The following PTPRD variants were observed in gnomAD, a reference collection of about 807,000 sequenced individuals.
The protein encoded by PTPRD is receptor-type tyrosine-protein phosphatase delta.
PTPRD carries 34 observed loss-of-function variants against 214.5 expected under a neutral mutation model. The ratio of observed to expected loss-of-function variants is 0.16; its 90% confidence interval spans 0.12 to 0.21. The LOEUF is 0.21. PTPRD is among the 10% of genes least tolerant of loss of function. The pLI is 1.00. For missense variants in PTPRD, 2,545 were observed against 2,398.7 expected (o/e 1.06, Z -1.27); for synonymous variants, 1,128 against 845.7 (o/e 1.33, Z -5.79).
intron 5 of PTPRD, among the ~76,000 whole-genome samples, chr9:9,773,846 G>A (rs2098774114): frequency 6.6e-6 from 1 of 151,460 alleles, no homozygotes; most frequent in Non-Finnish European, 1.5e-5. Context: ...AGAAATCTTG[G>A]GGAAAAAAAA....
chr9:8,432,408 C>T (rs1316669444), intron 35 of PTPRD, among the ~76,000 whole-genome samples: 1 of 152,294 alleles, frequency 6.6e-6, no homozygotes, highest in Non-Finnish European at 1.5e-5. Flanking sequence ...CTCATAGGAT[C>T]TAATAATACT....
At chr9:9,589,831 A>C (rs2092527734) in intron 7 of PTPRD, among the ~76,000 whole-genome samples, 1 of 151,994 alleles carries the variant, frequency 6.6e-6, no homozygotes, top group African/African-American at 2.4e-5. Context: ...TGTCATTAGT[A>C]GATGTTTGGA....
At chr9:10,197,649 A>G (rs973655234) in intron 3 of PTPRD, among the ~76,000 whole-genome samples, 4 of 152,142 alleles carry the variant, frequency 2.6e-5, no homozygotes, top group Non-Finnish European at 5.9e-5. Context: ...GAGAGATACA[A>G]GAATCAAAGA....
chr9:9,933,341 T>TGG (rs2087602854), intron 5 of PTPRD, among the ~76,000 whole-genome samples: 1 of 151,964 alleles, frequency 6.6e-6, no homozygotes, highest in East Asian at 1.9e-4. Context: ...CCATCTCACA[T>TGG]GCAGAGACAC....
intron 9 of PTPRD, among the ~76,000 whole-genome samples, chr9:9,368,262 C>A (rs914992566): frequency 6.6e-6 from 1 of 151,704 alleles, no homozygotes; most frequent in African/African-American, 2.4e-5. Context: ...TCAACTTTAC[C>A]ATAGAAATTA....
chr9:10,367,291 G>C (rs1221736237), intron 2 of PTPRD, among the ~76,000 whole-genome samples: 1 of 152,100 alleles, frequency 6.6e-6, no homozygotes, highest in Non-Finnish European at 1.5e-5. Flanking sequence ...GGGTAACGAA[G>C]AAATCCTTGG....
chr9:9,664,262 T>C (rs1012775528), intron 7 of PTPRD, among the ~76,000 whole-genome samples: 3 of 151,516 alleles, frequency 2.0e-5, no homozygotes, highest in Non-Finnish European at 4.4e-5. Flanking sequence ...TAACCATCTA[T>C]GAACTTAATA....
chr9:8,841,224 A>G lies in PTPRD; in HGVS notation c.-103-107278T>C, dbSNP rs530749241. Among the ~76,000 whole-genome samples the G allele has an allele frequency of 3.3e-5, 5 of 152,296 alleles. No homozygotes were observed. The East Asian group carries it at 9.7e-4, about 29-fold the overall frequency. ...CAATGGAGCTGGTATACATAAGCAC[A>G]ATTAAAAAACCAAGACTTGAAAAAT... On this transcript the variant is annotated intron_variant, in intron 11 of 45. Coordinates refer to ENST00000381196, the MANE Select transcript of PTPRD (RefSeq NM_002839.4).
At position 10,394,169 on chromosome 9, in the gene PTPRD, C is replaced by CATAGATATCTATGT. The variant is rs1565754807; in HGVS notation, c.-599-53153_-599-53152insACATAGATATCTAT. Among the ~76,000 whole-genome samples the CATAGATATCTATGT allele has an allele frequency of 8.3e-3, 1,148 of 137,926 alleles. 28 individuals are homozygous for CATAGATATCTATGT. The highest frequency in any genetic ancestry group is 0.03 in the African/African-American group (1,085 of 36,310). 90.5% of individuals were successfully genotyped at this position (137,926 alleles called of 152,430 possible). On this transcript the variant is annotated intron_variant, in intron 2 of 45. Coordinates refer to ENST00000381196, the MANE Select transcript of PTPRD (RefSeq NM_002839.4). ...ATATCTATATATATAGATATATATACATATATATCTATATATAAAGATATA... is the reference window on the plus strand; with the variant it reads ...ATATCTATATATATAGATATATATACATAGATATCTATGTATATATATCTATATATAAAGATATA...
chr9:10,168,912 C>G (rs1017675309), intron 3 of PTPRD, among the ~76,000 whole-genome samples: 2 of 152,000 alleles, frequency 1.3e-5, no homozygotes, highest in African/African-American at 4.8e-5. Flanking sequence ...GAATTTAATT[C>G]TTTGTTTGTT....
chr9:8,815,373 G>A (rs2096899793), intron 11 of PTPRD, among the ~76,000 whole-genome samples: 1 of 152,090 alleles, frequency 6.6e-6, no homozygotes, highest in Non-Finnish European at 1.5e-5. Flanking sequence ...AATAAATATT[G>A]AGATGAGTTA....
chr9:9,287,187 T>C (rs1359065972), intron 9 of PTPRD, among the ~76,000 whole-genome samples: 7 of 151,366 alleles, frequency 4.6e-5, no homozygotes, highest in Non-Finnish European at 1.5e-5. Context: ...ATCACATCAC[T>C]GCACTCCAAC....
chr9:9,592,016 T>A (rs2092781692), intron 7 of PTPRD, among the ~76,000 whole-genome samples: 1 of 152,102 alleles, frequency 6.6e-6, no homozygotes, highest in Non-Finnish European at 1.5e-5. Flanking sequence ...GGAGATCAAC[T>A]TGTTTTGATT....
chr9:10,575,992 T>G (rs1438679428), intron 2 of PTPRD, among the ~76,000 whole-genome samples: 1 of 152,168 alleles, frequency 6.6e-6, no homozygotes, highest in Non-Finnish European at 1.5e-5. Flanking sequence ...GGATGGTTAT[T>G]TTCACATTAT....
intron 2 of PTPRD, among the ~76,000 whole-genome samples, chr9:10,513,628 A>G (rs1306517560): frequency 6.6e-6 from 1 of 152,166 alleles, no homozygotes; most frequent in Non-Finnish European, 1.5e-5. Flanking sequence ...GGCATGTCCA[A>G]GTGATTTGAC....
intron 2 of PTPRD, among the ~76,000 whole-genome samples, chr9:10,590,370 A>G (rs1216509147): frequency 6.6e-6 from 1 of 152,044 alleles, no homozygotes; most frequent in Admixed American, 6.6e-5. Context: ...ATTTTAAATG[A>G]GCAGTTTTTC....
chr9:9,923,658 A>G lies in PTPRD; in HGVS notation c.-368+14849T>C, dbSNP rs78641265. On this transcript the variant is annotated intron_variant, in intron 5 of 45. Coordinates refer to ENST00000381196, the MANE Select transcript of PTPRD (RefSeq NM_002839.4). Reference sequence around the variant, plus strand: ...AGGCTGGCATCAAAGTGATCTTTTCATAATTGTGAGCAAGAATAATCTTCA... The same window carrying G: ...AGGCTGGCATCAAAGTGATCTTTTCGTAATTGTGAGCAAGAATAATCTTCA... Among the ~76,000 whole-genome samples, 408 of 152,142 alleles carry G rather than the reference A, an allele frequency of 2.7e-3. 2 individuals carry two copies. Among genetic ancestry groups the G allele is most frequent in the African/African-American group, 8.8e-3 (367 of 41,552 alleles).
chr9:8,591,566 G>A (rs1453516645), intron 14 of PTPRD, among the ~76,000 whole-genome samples: 1 of 152,184 alleles, frequency 6.6e-6, no homozygotes, highest in Non-Finnish European at 1.5e-5. Flanking sequence ...ATGGAAGCAA[G>A]AGGAGAAAGA....
chr9:8,458,926 C>T (rs1437423508), intron 33 of PTPRD, among the ~76,000 whole-genome samples: 1 of 151,986 alleles, frequency 6.6e-6, no homozygotes, highest in Non-Finnish European at 1.5e-5. Flanking sequence ...TTCTTTATAA[C>T]TCTAAAATAG....
Sources: gnomAD v4.1 joint callset for allele counts (sites outside exome capture counted in the v4.1 genomes callset) on GRCh38, gnomAD v4.1.1 for gene constraint, MANE v1.5 for transcripts, NCBI Gene and HGNC (gene_info 2026-07-23, HGNC 2026-07-21) for gene names.